Variants in TCERG1L observed in about 807,000 individuals in gnomAD.
TCERG1L encodes transcription elongation regulator 1-like protein.
Under a neutral mutation model 56.3 loss-of-function variants are expected in TCERG1L, and 37 were observed. The observed-to-expected ratio is 0.66, with a 90% CI of 0.51 to 0.87. The LOEUF is 0.87. Among genes scored for constraint, TCERG1L ranks in the 40% least tolerant of loss-of-function variants. The pLI, the probability that TCERG1L is intolerant of heterozygous loss-of-function variation, is 0.00. For missense variants in TCERG1L, 799 were observed against 774.2 expected, an observed-to-expected ratio of 1.03 and a Z score of -0.38; for synonymous variants, 324 against 326.3, an observed-to-expected ratio of 0.99 and a Z score of 0.08.
chr10:131,135,591 G>C (rs77607917), intron 7 of TCERG1L, among the ~76,000 whole-genome samples: 4,645 of 152,320 alleles, frequency 0.03, 87 homozygotes, highest in Non-Finnish European at 0.042. Context: ...GGTAAGAGGA[G>C]AGGGTCAGGC....
chr10:131,168,995 T>C (rs927557041), intron 4 of TCERG1L, among the ~76,000 whole-genome samples: 3 of 152,158 alleles, frequency 2.0e-5, no homozygotes, highest in African/African-American at 7.2e-5. Flanking sequence ...TAACCAAGCC[T>C]GAGTCAAGAA....
chr10:131,265,017 A>AAT (rs1846271489), intron 3 of TCERG1L, among the ~76,000 whole-genome samples: 1 of 152,146 alleles, frequency 6.6e-6, no homozygotes, highest in African/African-American at 2.4e-5. Flanking sequence ...CCGAGCCCTT[A>AAT]ATTAAGAAGA....
intron 4 of TCERG1L, among the ~76,000 whole-genome samples, chr10:131,214,409 C>A (rs905522108): frequency 1.3e-5 from 2 of 152,312 alleles, no homozygotes; most frequent in South Asian, 2.1e-4. Context: ...GTCTCTAATA[C>A]GTCTTTAACT....
chr10:131,135,957 T>C (rs1845671628), intron 7 of TCERG1L, among the ~76,000 whole-genome samples: 1 of 152,230 alleles, frequency 6.6e-6, no homozygotes, highest in Non-Finnish European at 1.5e-5. Flanking sequence ...GTCCTGAACC[T>C]GGCAGTGCTG....
rs371386626 is a variant in TCERG1L, at chr10:131,134,371, C to A, written c.1259+8G>T. 19 of 1,581,036 alleles carry A rather than the reference C, an allele frequency of 1.2e-5. No homozygotes were observed. Among genetic ancestry groups the A allele is most frequent in the Non-Finnish European group, 1.6e-5 (19 of 1,162,634 alleles). On this transcript the variant is annotated splice_region_variant and intron_variant, in intron 8 of 11. Coordinates refer to ENST00000368642, the MANE Select transcript of TCERG1L (RefSeq NM_174937.4). ...AAAGATCTGCTGGGGAAGAGCACGG[C>A]CACCTACCGGTTCCTCTTGGTTTTC...
chr10:131,299,192 G>C (rs2133580572), intron 3 of TCERG1L, among the ~76,000 whole-genome samples: 1 of 151,812 alleles, frequency 6.6e-6, no homozygotes, highest in Middle Eastern at 3.4e-3. Context: ...CCAGACTTTT[G>C]CTTTTATGCT....
intron 3 of TCERG1L, among the ~76,000 whole-genome samples, chr10:131,287,511 T>C (rs1023166130): frequency 3.3e-5 from 5 of 152,216 alleles, no homozygotes; most frequent in African/African-American, 1.2e-4. Flanking sequence ...TTAGTTGATG[T>C]CTGAATAATT....
At chr10:131,161,131 T>C (rs930478408) in intron 6 of TCERG1L, 2 of 152,216 alleles carry the variant, frequency 1.3e-5, no homozygotes, top group South Asian at 2.1e-4. Flanking sequence ...TGACCACACA[T>C]ACCATGGTGG....
At chr10:131,162,683 G>C (rs571423055) in intron 6 of TCERG1L, 1 of 155,794 alleles carries the variant, frequency 6.4e-6, no homozygotes, top group Non-Finnish European at 1.4e-5. Flanking sequence ...TAGCTCCCTC[G>C]TGGAGGGTGT....
rs1278163437 is a variant in TCERG1L, at chr10:131,242,342, G to A, written c.856+17917C>T. Among the ~76,000 whole-genome samples the A allele has an allele frequency of 2.6e-5, 4 of 152,140 alleles. No homozygotes were observed. The East Asian group carries it at 7.7e-4, about 29-fold the overall frequency. On this transcript the variant is annotated intron_variant, in intron 4 of 11. Coordinates refer to ENST00000368642, the MANE Select transcript of TCERG1L (RefSeq NM_174937.4). ...AATAGAAAAGTACAGTGAAGAATGTGAAAAACATCTTGGCAATGTGTAAGA... is the reference window on the plus strand; with the variant it reads ...AATAGAAAAGTACAGTGAAGAATGTAAAAAACATCTTGGCAATGTGTAAGA...
intron 3 of TCERG1L, among the ~76,000 whole-genome samples, chr10:131,269,923 C>T (rs760053450): frequency 6.6e-6 from 1 of 152,172 alleles, no homozygotes; most frequent in Non-Finnish European, 1.5e-5. Context: ...AAGCCTCGCA[C>T]CAAACCCGCA....
At chr10:131,136,636 C>G (rs1190967120) in intron 7 of TCERG1L, among the ~76,000 whole-genome samples, 1 of 152,196 alleles carries the variant, frequency 6.6e-6, no homozygotes, top group Non-Finnish European at 1.5e-5. Flanking sequence ...GCTGGAATCA[C>G]AGGCACCCGC....
intron 10 of TCERG1L, among the ~76,000 whole-genome samples, chr10:131,100,344 G>C (rs534076884): frequency 6.6e-6 from 1 of 152,194 alleles, no homozygotes; most frequent in East Asian, 1.9e-4. Flanking sequence ...GCTGGCCGTG[G>C]GGTCAGGGCT....
intron 4 of TCERG1L, among the ~76,000 whole-genome samples, chr10:131,194,748 G>A (rs1845339366): frequency 6.6e-6 from 1 of 152,170 alleles, no homozygotes; most frequent in Non-Finnish European, 1.5e-5. Context: ...CGGCTGCCCT[G>A]TTTTCTCAAC....
chr10:131,151,950 T>C (rs1237166957), intron 6 of TCERG1L, among the ~76,000 whole-genome samples: 3 of 152,230 alleles, frequency 2.0e-5, no homozygotes, highest in African/African-American at 7.2e-5. Flanking sequence ...AGATGTACTT[T>C]TGCCCCTTTT....
chr10:131,231,821 T>C (rs941936561), intron 4 of TCERG1L, among the ~76,000 whole-genome samples: 2 of 152,024 alleles, frequency 1.3e-5, no homozygotes, highest in Non-Finnish European at 2.9e-5. Context: ...TCAGTGCCTG[T>C]GGGGACAAGG....
At chr10:131,284,218 C>A (rs1393933381) in intron 3 of TCERG1L, among the ~76,000 whole-genome samples, 1 of 151,120 alleles carries the variant, frequency 6.6e-6, no homozygotes, top group Non-Finnish European at 1.5e-5. Context: ...GTATACAGCC[C>A]ACAGTTTACT....
chr10:131,274,013 TTC>T (rs1419095561), intron 3 of TCERG1L, among the ~76,000 whole-genome samples: 2 of 152,134 alleles, frequency 1.3e-5, no homozygotes, highest in African/African-American at 4.8e-5. Context: ...TTTTCTTCTC[TTC>T]TGTTTGGTTG....
Position 131,266,042 on chromosome 10 carries a change from T to C in TCERG1L, c.671-5598A>G, listed in dbSNP as rs1327638728. Reference sequence around the variant, plus strand: ...CCCTGCTGCTGCTTTATCAACTCAGTCTATGTAATATTCTAAATCCTTTGT... The same window carrying C: ...CCCTGCTGCTGCTTTATCAACTCAGCCTATGTAATATTCTAAATCCTTTGT... On this transcript the variant is annotated intron_variant, in intron 3 of 11. Coordinates refer to ENST00000368642, the MANE Select transcript of TCERG1L (RefSeq NM_174937.4). Among the ~76,000 whole-genome samples the C allele has an allele frequency of 2.0e-5, 3 of 152,370 alleles. No individual in the cohort carries two copies. In the South Asian group the frequency reaches 6.2e-4, roughly 32 times the overall value.
Sources: allele counts gnomAD v4.1 joint callset (sites outside exome capture counted in the v4.1 genomes callset), GRCh38; gene constraint gnomAD v4.1.1; transcripts MANE v1.5; gene names NCBI Gene and HGNC (gene_info 2026-07-23, HGNC 2026-07-21).